The following DDX19A variants were observed in gnomAD, a reference collection of about 807,000 sequenced individuals.
The protein encoded by DDX19A is DEAD-box helicase 19A.
In DDX19A, 12 loss-of-function variants were observed where a neutral mutation model predicts 60.6. The observed-to-expected ratio is 0.20, with a 90% CI of 0.13 to 0.32. The LOEUF is 0.32. Ranked by LOEUF, DDX19A falls within the 10% of genes least tolerant of loss-of-function variation. DDX19A has a pLI of 1.00. For missense variants in DDX19A, 337 were observed against 600.6 expected (o/e 0.56, Z 4.59); for synonymous variants, 206 against 218.2 (o/e 0.94, Z 0.49).
intron 8 of DDX19A, 163 bp downstream of exon 8, chr16:70,366,425 T>C: frequency 7.8e-7 from 1 of 1,278,756 alleles, no homozygotes; most frequent in Non-Finnish European, 1.1e-6. Flanking sequence ...TCACAGTCCC[T>C]CCCAACCTGG....
intron 1 of DDX19A, among the ~76,000 whole-genome samples, chr16:70,348,147 C>T (rs1205805074): frequency 6.6e-6 from 1 of 151,806 alleles, no homozygotes; most frequent in Non-Finnish European, 1.5e-5. Context: ...CTATGTTGGG[C>T]AGTGGAAGTG....
intron 4 of DDX19A, among the ~76,000 whole-genome samples, chr16:70,357,150 A>T (rs1964219421): frequency 6.6e-6 from 1 of 150,424 alleles, no homozygotes; most frequent in Admixed American, 6.7e-5. Context: ...GCTACTCAGG[A>T]GGCGGAGGCT....
intron 2 of DDX19A, among the ~76,000 whole-genome samples, chr16:70,353,994 A>T (rs992507003): frequency 1.1e-4 from 17 of 151,566 alleles, no homozygotes; most frequent in Non-Finnish European, 1.9e-4. Context: ...CTCCTGCCTC[A>T]GCCTCCTGAA....
Position 70,370,305 on chromosome 16 carries a change from T to C in DDX19A, c.1103T>C (p.Val368Ala). ...QVALLSGEMMVEQRAAVIERF... is the reference protein window; with the variant it reads ...QVALLSGEMMAEQRAAVIERF... Reference sequence around the variant, plus strand: ...GCTCTGCTGAGTGGGGAGATGATGGTGGAGCAGAGGGCTGCGGTGATTGAG... The same window carrying C: ...GCTCTGCTGAGTGGGGAGATGATGGCGGAGCAGAGGGCTGCGGTGATTGAG... Residue 368 changes from valine to alanine, a missense_variant, in exon 10 of 12, where the codon GTG becomes GCG. Transcript: ENST00000302243. 6.2e-7 allele frequency: 1 copy of C among 1,613,884 alleles called. No homozygotes were observed. Among genetic ancestry groups the C allele is most frequent in the Non-Finnish European group, 8.5e-7 (1 of 1,179,968 alleles).
At chr16:70,366,944 A>C in intron 9 of DDX19A, 83 bp downstream of exon 9, 1 of 1,519,878 alleles carries the variant, frequency 6.6e-7, no homozygotes, top group East Asian at 2.3e-5. Context: ...GATGCCCCTG[A>C]GCGCCATGGA....
chr16:70,350,727 A>C (rs1963985597), intron 2 of DDX19A, 122 bp downstream of exon 2: 1 of 701,618 alleles, frequency 1.4e-6, no homozygotes, highest in Non-Finnish European at 2.4e-6. Context: ...CAAGCCAGTG[A>C]ATTAGATTTT....
At chr16:70,352,964 A>G (rs929866880) in intron 2 of DDX19A, among the ~76,000 whole-genome samples, 3 of 152,102 alleles carry the variant, frequency 2.0e-5, no homozygotes, top group African/African-American at 7.2e-5. Context: ...TAAAGCAATC[A>G]TAGATGTTTG....
At chr16:70,360,701 G>T (rs1253006415) in intron 4 of DDX19A, 1 of 152,174 alleles carries the variant, frequency 6.6e-6, no homozygotes, top group East Asian at 1.9e-4. Context: ...GCTTTGGAAG[G>T]AACATGGAAC....
rs1964532080 is a variant in DDX19A, at chr16:70,366,735, T to C, written c.894T>C (p.Arg298=). Reference sequence around the variant, plus strand: ...ACCCAAATGTTATCAAACTGAAGCGTGAGGAAGAGACCCTGGATACCATCA... The same window carrying C: ...ACCCAAATGTTATCAAACTGAAGCGCGAGGAAGAGACCCTGGATACCATCA... ...VPDPNVIKLK[R]EEETLDTIKQ... Residue 298 remains arginine (R), a synonymous_variant, in exon 9 of 12, where the codon CGT becomes CGC. Coordinates refer to ENST00000302243, the MANE Select transcript of DDX19A (RefSeq NM_018332.5). The C allele has an allele frequency of 4.3e-6, 7 of 1,614,204 alleles. No homozygotes were observed. In the East Asian group the frequency reaches 1.6e-4, roughly 36 times the overall value.
In DDX19A at chr16:70,370,341, A is replaced by C. The variant is rs779919677; in HGVS notation, c.1139A>C (p.Glu380Ala). 110 of 1,613,684 alleles carry C rather than the reference A, an allele frequency of 6.8e-5. No homozygotes were observed. The East Asian group carries it at 2.3e-3, about 34-fold the overall frequency. ...QRAAVIERFREGKEKVLVTTN... is the reference protein window; with the variant it reads ...QRAAVIERFRAGKEKVLVTTN... The stretch of plus-strand genomic sequence containing the variant: ...GCTGCGGTGATTGAGCGCTTCCGAG[A>C]GGGCAAAGAGAAGGTTTTGGTGACC... The change falls in exon 10 of 12, where the codon GAG (glutamate) becomes GCG (alanine). Residue 380 changes from glutamate (E) to alanine (A), a missense_variant. Glu to Ala is a moderately radical substitution (Grantham distance 107). This residue lies in a region of DDX19A where 117 missense variants were observed against 274.3 expected (regional missense o/e 0.43). Coordinates refer to ENST00000302243, the MANE Select transcript of DDX19A (RefSeq NM_018332.5).
intron 9 of DDX19A, among the ~76,000 whole-genome samples, chr16:70,368,968 G>A (rs929178535): frequency 6.6e-6 from 1 of 152,026 alleles, no homozygotes; most frequent in African/African-American, 2.4e-5. Flanking sequence ...CCGGGTTCTA[G>A]CAATTCTCCT....
rs1396986949 is a variant in DDX19A at position 70,372,664 on chromosome 16, A to T, written c.*678A>T. On this transcript the variant is annotated 3_prime_UTR_variant, in exon 12 of 12. Coordinates refer to ENST00000302243, the MANE Select transcript of DDX19A (RefSeq NM_018332.5). ...TCTGAATCCTGACCCCTTGAGAGAGAGTGATCTGGCGAGGGCCGATGAAGG... is the reference window on the plus strand; with the variant it reads ...TCTGAATCCTGACCCCTTGAGAGAGTGTGATCTGGCGAGGGCCGATGAAGG... The T allele has an allele frequency of 6.5e-6, 1 of 152,836 alleles. No homozygotes were observed. The highest frequency in any genetic ancestry group is 6.5e-5 in the Admixed American group (1 of 15,286). The allele number at this position is 152,836 out of a possible 1,614,324, so 9.5% of individuals were successfully genotyped here. A position where few individuals can be genotyped will look rare whatever the true frequency, so the allele number is the denominator to read the frequency against.
chr16:70,371,244 C>G lies in DDX19A; in HGVS notation c.1184-128C>G, dbSNP rs569777987. 61 of 1,542,474 alleles carry G rather than the reference C, an allele frequency of 4.0e-5. No individual in the cohort carries two copies. The African/African-American group carries it at 7.7e-4, about 20-fold the overall frequency. On this transcript the variant is annotated intron_variant, in intron 10 of 11. Coordinates refer to ENST00000302243, the MANE Select transcript of DDX19A (RefSeq NM_018332.5). ...CCTATATGTGTGCCCTCTCTTGTAC[C>G]CAGAGTTGGCCTGTCCCAAATTCTT... is the stretch of plus-strand genomic sequence containing the variant.
chr16:70,353,129 C>CTTTTTTTTTTTTTTTTTTT (rs1308743627), intron 2 of DDX19A, among the ~76,000 whole-genome samples: 1 of 144,628 alleles, frequency 6.9e-6, no homozygotes, highest in African/African-American at 2.6e-5. Flanking sequence ...TTCTTTCTTT[C>CTTTTTTTTTTTTTTTTTTT]TTTTTTTTTT....
At chr16:70,350,641 C>T in intron 2 of DDX19A, 36 bp downstream of exon 2, 1 of 1,517,588 alleles carries the variant, frequency 6.6e-7, no homozygotes, top group Non-Finnish European at 9.1e-7. Flanking sequence ...GAAAAGAGTT[C>T]CATGTGGGCC....
rs1065158 is a variant in DDX19A, at chr16:70,347,006, G to C, written c.15G>C (p.Ser5=). ...TGTCCGGGACTATGGCCACCGACTC[G>C]TGGGCCCTGGCGGTGGACGAGCAGG... is the stretch of plus-strand genomic sequence containing the variant. MATD[S]WALAVDEQEA... is the part of the protein sequence containing the mutation. Residue 5 remains serine, a synonymous_variant, in exon 1 of 12, where the codon TCG becomes TCC. Transcript: ENST00000302243. The C allele has an allele frequency of 1.2e-6, 2 of 1,612,764 alleles. No individual in the cohort carries two copies. The highest frequency in any genetic ancestry group is 1.7e-6 in the Non-Finnish European group (2 of 1,179,808).
Position 70,356,104 on chromosome 16 carries a change from C to T in DDX19A, c.158-8C>T, listed in dbSNP as rs952061260. On this transcript the variant is annotated splice_polypyrimidine_tract_variant and splice_region_variant and intron_variant, in intron 3 of 11. Transcript: ENST00000302243. ...GAGTATGAAGATCTACTGGTTTCTT[C>T]CTGACAGAGGACAGAGCTGCCCAGT... is the stretch of plus-strand genomic sequence containing the variant. 24 of 1,613,364 alleles carry T rather than the reference C, an allele frequency of 1.5e-5. No homozygotes were observed. The highest frequency in any genetic ancestry group is 1.9e-5 in the Non-Finnish European group (23 of 1,180,014).
Position 70,356,132 on chromosome 16 carries a change from T to C in DDX19A, c.178T>C (p.Leu60=), listed in dbSNP as rs148973354. 1.9e-6 allele frequency: 3 copies of C among 1,613,874 alleles called. No homozygotes were observed. Among genetic ancestry groups the C allele is most frequent in the Admixed American group, 1.7e-5 (1 of 59,966 alleles). ...GACAGAGGACAGAGCTGCCCAGTCC[T>C]TACTCAACAAGCTGATCAGAAGCAA... ...EEKEDRAAQS[L]LNKLIRSNLV... The change falls in exon 4 of 12, where the codon TTA becomes CTA. Residue 60 remains leucine (L), a synonymous_variant. Coordinates refer to ENST00000302243, the MANE Select transcript of DDX19A (RefSeq NM_018332.5).
chr16:70,372,350 T>C lies in DDX19A; in HGVS notation c.*364T>C, dbSNP rs563511662. On this transcript the variant is annotated 3_prime_UTR_variant, in exon 12 of 12. Coordinates refer to ENST00000302243, the MANE Select transcript of DDX19A (RefSeq NM_018332.5). ...GAAGAAACGATAGATGTGCAGGTTG[T>C]GCGGAAGAGGCTGAGTGGAAAATGG... 174 of 353,672 alleles carry C rather than the reference T, an allele frequency of 4.9e-4. 13 individuals are homozygous for C. Among genetic ancestry groups the C allele is most frequent in the South Asian group, 4.7e-3 (173 of 36,676 alleles). The allele number at this position is 353,672 out of a possible 1,614,324, so 21.9% of individuals were successfully genotyped here. A position where few individuals can be genotyped will look rare whatever the true frequency, so the allele number is the denominator to read the frequency against.
Sources: allele counts gnomAD v4.1 joint callset (sites outside exome capture counted in the v4.1 genomes callset), GRCh38; gene constraint gnomAD v4.1.1; regional missense constraint gnomAD v4.1.1; transcripts MANE v1.5; gene names NCBI Gene and HGNC (gene_info 2026-07-23, HGNC 2026-07-21).